The following CACNA2D3 variants were observed in gnomAD, a reference collection of about 807,000 sequenced individuals.
CACNA2D3 encodes voltage-dependent calcium channel subunit alpha-2/delta-3.
In CACNA2D3, 60 loss-of-function variants were observed where a neutral mutation model predicts 160.6. The observed-to-expected ratio is 0.37, with a 90% confidence interval of 0.30 to 0.46. The LOEUF is 0.46. Ranked by LOEUF, CACNA2D3 falls within the 20% of genes least tolerant of loss-of-function variation. CACNA2D3 has a pLI of 1.00. For synonymous variants in CACNA2D3, 558 were observed against 492.9 expected, an observed-to-expected ratio of 1.13 and a Z score of -1.75; for missense variants, 1,205 against 1,365.0, an observed-to-expected ratio of 0.88 and a Z score of 1.85.
At chr3:55,071,125 T>C (rs2107233621) in intron 35 of CACNA2D3, among the ~76,000 whole-genome samples, 1 of 152,278 alleles carries the variant, frequency 6.6e-6, no homozygotes, top group East Asian at 1.9e-4. Flanking sequence ...ATTTTAATGA[T>C]ATTTATTTTA....
intron 17 of CACNA2D3, among the ~76,000 whole-genome samples, chr3:54,852,232 G>A (rs909304544): frequency 1.3e-5 from 2 of 152,184 alleles, no homozygotes; most frequent in South Asian, 4.1e-4. Flanking sequence ...TTGATTGCCA[G>A]GGCAGATGAG....
At chr3:54,501,165 A>G (rs1156494747) in intron 4 of CACNA2D3, among the ~76,000 whole-genome samples, 1 of 152,110 alleles carries the variant, frequency 6.6e-6, no homozygotes, top group African/African-American at 2.4e-5. Context: ...TCTCTTAATG[A>G]CCACACCACT....
intron 4 of CACNA2D3, among the ~76,000 whole-genome samples, chr3:54,488,465 A>G (rs1048477605): frequency 1.3e-5 from 2 of 152,100 alleles, no homozygotes; most frequent in African/African-American, 4.8e-5. Context: ...CCATCATGGC[A>G]TTAGACTGAA....
At chr3:54,128,151 C>T (rs1699633631) in intron 2 of CACNA2D3, among the ~76,000 whole-genome samples, 2 of 152,046 alleles carry the variant, frequency 1.3e-5, no homozygotes, top group African/African-American at 2.4e-5. Context: ...GCATGGTGAT[C>T]GCATGCTGAT....
intron 2 of CACNA2D3, among the ~76,000 whole-genome samples, chr3:54,268,207 G>A (rs865782722): frequency 6.6e-6 from 1 of 152,106 alleles, no homozygotes; most frequent in Admixed American, 6.5e-5. Context: ...TACTGCTCAC[G>A]TGAAAGAACT....
At chr3:54,833,243 A>G (rs1342977775) in intron 14 of CACNA2D3, among the ~76,000 whole-genome samples, 1 of 152,222 alleles carries the variant, frequency 6.6e-6, no homozygotes, top group African/African-American at 2.4e-5. Flanking sequence ...TTAGTATACA[A>G]CAGAGCACCA....
chr3:54,365,931 C>T (rs1698821349), intron 3 of CACNA2D3, among the ~76,000 whole-genome samples: 1 of 152,098 alleles, frequency 6.6e-6, no homozygotes. Flanking sequence ...AGGGATGTAC[C>T]ATGGAAAGAT....
intron 4 of CACNA2D3, among the ~76,000 whole-genome samples, chr3:54,501,627 C>G (rs922196939): frequency 6.6e-6 from 1 of 151,682 alleles, no homozygotes; most frequent in African/African-American, 2.4e-5. Flanking sequence ...ACCATGTTGC[C>G]TAGGGTGGTC....
chr3:54,549,873 G>A (rs373278419), intron 5 of CACNA2D3, among the ~76,000 whole-genome samples: 2 of 152,156 alleles, frequency 1.3e-5, no homozygotes, highest in East Asian at 1.9e-4. Context: ...ATTTTACTGG[G>A]AGCCAGGCCT....
intron 26 of CACNA2D3, 151 bp from the exon 27 acceptor site, chr3:54,899,637 C>T: frequency 3.3e-6 from 2 of 605,680 alleles, no homozygotes; most frequent in East Asian, 2.8e-5. Flanking sequence ...GCAGCGTAGG[C>T]AGAGCATCCA....
intron 27 of CACNA2D3, among the ~76,000 whole-genome samples, chr3:54,906,143 C>T (rs1212358397): frequency 2.0e-5 from 3 of 151,704 alleles, no homozygotes; most frequent in Non-Finnish European, 2.9e-5. Flanking sequence ...CAAGTTGCTG[C>T]CAATGGAGAG....
intron 2 of CACNA2D3, among the ~76,000 whole-genome samples, chr3:54,295,549 G>C (rs1488990479): frequency 6.6e-6 from 1 of 152,166 alleles, no homozygotes; most frequent in Admixed American, 6.5e-5. Context: ...CTCAAAGTGA[G>C]GAGGAGGCTT....
chr3:54,290,332 A>G lies in CACNA2D3; in HGVS notation c.205-30110A>G, dbSNP rs865884024. Among the ~76,000 whole-genome samples the G allele has an allele frequency of 5.9e-5, 9 of 152,370 alleles. No homozygotes were observed. The South Asian group carries it at 1.7e-3, about 28-fold the overall frequency. On this transcript the variant is annotated intron_variant, in intron 2 of 37. Transcript: ENST00000474759. ...AATGCTCATCATCACTGGCCATCAG[A>G]GAAATACAAATCAAAACCACATTGA...
chr3:55,013,762 C>T (rs1703262367), intron 34 of CACNA2D3, among the ~76,000 whole-genome samples: 1 of 152,266 alleles, frequency 6.6e-6, no homozygotes, highest in East Asian at 1.9e-4. Context: ...AGCTTGCTGG[C>T]ACCCGGTTGT....
chr3:54,807,831 T>G (rs1247782884), intron 13 of CACNA2D3, among the ~76,000 whole-genome samples: 1 of 150,334 alleles, frequency 6.7e-6, no homozygotes, highest in Non-Finnish European at 1.5e-5. Context: ...ATAGACTGGA[T>G]TAAGAAAATG....
intron 3 of CACNA2D3, among the ~76,000 whole-genome samples, chr3:54,327,870 T>G (rs1437557810): frequency 6.6e-6 from 1 of 152,228 alleles, no homozygotes; most frequent in South Asian, 2.1e-4. Context: ...GGATTATTCT[T>G]TCTTGTAACA....
intron 13 of CACNA2D3, among the ~76,000 whole-genome samples, chr3:54,806,243 G>T (rs1300777300): frequency 6.6e-6 from 1 of 152,128 alleles, no homozygotes; most frequent in Non-Finnish European, 1.5e-5. Flanking sequence ...TATTCAATTA[G>T]GAAAAGAGGA....
intron 2 of CACNA2D3, among the ~76,000 whole-genome samples, chr3:54,279,981 C>T (rs1010363606): frequency 2.6e-5 from 4 of 152,176 alleles, no homozygotes; most frequent in African/African-American, 4.8e-5. Context: ...AGGCTAGTTC[C>T]ACCTGTAGAG....
chr3:54,469,173 A>C (rs1316099517), intron 4 of CACNA2D3, among the ~76,000 whole-genome samples: 2 of 152,196 alleles, frequency 1.3e-5, no homozygotes, highest in Non-Finnish European at 2.9e-5. Flanking sequence ...CTCATACAGG[A>C]GAGCTCTGAC....
Sources: gnomAD v4.1 joint callset for allele counts (sites outside exome capture counted in the v4.1 genomes callset) on GRCh38, gnomAD v4.1.1 for gene constraint, MANE v1.5 for transcripts, NCBI Gene and HGNC (gene_info 2026-07-23, HGNC 2026-07-21) for gene names.